HDAC9: variants seen among roughly 807,000 people sequenced by gnomAD.
HDAC9 encodes the protein histone deacetylase 9.
A neutral mutation model predicts 139.4 loss-of-function variants in HDAC9; 41 were observed. The observed-to-expected ratio is 0.29, with a 90% CI of 0.23 to 0.38. HDAC9 has a LOEUF of 0.38. Among genes scored for constraint, HDAC9 ranks in the 10% least tolerant of loss-of-function variants. The pLI is 1.00. For missense variants in HDAC9, 1,147 were observed against 1,297.0 expected, an observed-to-expected ratio of 0.88 and a Z score of 1.78; for synonymous variants, 517 against 476.2, an observed-to-expected ratio of 1.09 and a Z score of -1.12.
chr7:18,933,818 C>A (rs1781431028), intron 22 of HDAC9, among the ~76,000 whole-genome samples: 1 of 151,772 alleles, frequency 6.6e-6, no homozygotes, highest in Non-Finnish European at 1.5e-5. Flanking sequence ...TCATAATGAC[C>A]AATAAGTCAC....
chr7:18,131,430 T>A (rs1784997161), intron 1 of HDAC9, among the ~76,000 whole-genome samples: 1 of 152,208 alleles, frequency 6.6e-6, no homozygotes, highest in African/African-American at 2.4e-5. Flanking sequence ...TAATCAGAAT[T>A]CCTTGGTTTC....
intron 21 of HDAC9, among the ~76,000 whole-genome samples, chr7:18,867,653 T>TA (rs67576385): frequency 8.2e-4 from 125 of 152,264 alleles, no homozygotes; most frequent in African/African-American, 2.8e-3. Flanking sequence ...GTGTATTTTT[T>TA]AAAAAAATAC....
Position 18,847,694 on chromosome 7 carries a change from C to T in HDAC9, c.2684+11697C>T, listed in dbSNP as rs142181012. 2.9e-4 allele frequency among the ~76,000 whole-genome samples: 44 copies of T among 152,318 alleles called. 1 individual carries two copies. In the East Asian group the frequency reaches 6.0e-3, roughly 21 times the overall value. ...AGAAGCAAAAACGAGGAAGTCTCCC[C>T]CTGAGGGGTCAGCTGTGGTGTTACT... On this transcript the variant is annotated intron_variant, in intron 21 of 25. Transcript: ENST00000686413.
intron 2 of HDAC9, among the ~76,000 whole-genome samples, chr7:18,205,700 C>G (rs773319095): frequency 5.9e-5 from 9 of 151,976 alleles, no homozygotes; most frequent in Non-Finnish European, 1.0e-4. Context: ...GGGTTATTGT[C>G]TGTTTCATCT....
At chr7:18,652,750 A>G (rs1282874604) in intron 11 of HDAC9, among the ~76,000 whole-genome samples, 1 of 152,066 alleles carries the variant, frequency 6.6e-6, no homozygotes, top group East Asian at 1.9e-4. Flanking sequence ...CATTAAATCC[A>G]TAAGAGCAGG....
chr7:18,713,696 C>T (rs1254006855), intron 12 of HDAC9, among the ~76,000 whole-genome samples: 2 of 151,932 alleles, frequency 1.3e-5, no homozygotes, highest in Non-Finnish European at 2.9e-5. Context: ...TCAACATGTG[C>T]ATAATTCTGC....
intron 24 of HDAC9, among the ~76,000 whole-genome samples, chr7:18,962,124 G>T (rs1012357010): frequency 6.6e-6 from 1 of 152,020 alleles, no homozygotes; most frequent in Admixed American, 6.6e-5. Flanking sequence ...CTTCTAATCA[G>T]AAAAAAATGC....
chr7:18,298,729 G>A (rs1188370767), intron 1 of HDAC9, among the ~76,000 whole-genome samples: 1 of 152,108 alleles, frequency 6.6e-6, no homozygotes, highest in African/African-American at 2.4e-5. Flanking sequence ...ATGTGACAGT[G>A]TTGCTACATA....
chr7:18,240,467 A>G (rs1294306679), intron 2 of HDAC9, among the ~76,000 whole-genome samples: 1 of 152,174 alleles, frequency 6.6e-6, no homozygotes, highest in Admixed American at 6.5e-5. Context: ...TTTAATGTTG[A>G]AATATGAAGA....
chr7:18,929,390 G>C (rs1459270326), intron 22 of HDAC9, among the ~76,000 whole-genome samples: 1 of 151,720 alleles, frequency 6.6e-6, no homozygotes, highest in Non-Finnish European at 1.5e-5. Flanking sequence ...ATTCTGAAAA[G>C]GCCCTTCTAA....
chr7:18,208,576 A>G (rs1437713750), intron 2 of HDAC9, among the ~76,000 whole-genome samples: 1 of 152,068 alleles, frequency 6.6e-6, no homozygotes, highest in East Asian at 1.9e-4. Context: ...GGCTTTCGCC[A>G]TGTTGGCCAG....
chr7:18,407,013 A>G (rs968653880), intron 1 of HDAC9, among the ~76,000 whole-genome samples: 6 of 152,214 alleles, frequency 3.9e-5, no homozygotes, highest in African/African-American at 9.6e-5. Flanking sequence ...CAATATGTCT[A>G]TAAGCAATTA....
intron 12 of HDAC9, among the ~76,000 whole-genome samples, chr7:18,720,455 A>G (rs1171879495): frequency 1.3e-5 from 2 of 151,478 alleles, no homozygotes; most frequent in African/African-American, 4.8e-5. Flanking sequence ...CGGCTTTCTT[A>G]CTGAGTGAAT....
At chr7:18,282,921 A>G (rs1797191801) in intron 2 of HDAC9, among the ~76,000 whole-genome samples, 1 of 151,956 alleles carries the variant, frequency 6.6e-6, no homozygotes, top group South Asian at 2.1e-4. Context: ...TTGAAAGGTA[A>G]TAAATAGGGT....
At chr7:18,248,861 G>T (rs1334353990) in intron 2 of HDAC9, among the ~76,000 whole-genome samples, 1 of 152,180 alleles carries the variant, frequency 6.6e-6, no homozygotes, top group Non-Finnish European at 1.5e-5. Flanking sequence ...CAACATTTAT[G>T]CAAAATCATT....
At chr7:18,143,471 A>C (rs1005166368) in intron 1 of HDAC9, among the ~76,000 whole-genome samples, 1 of 152,176 alleles carries the variant, frequency 6.6e-6, no homozygotes, top group African/African-American at 2.4e-5. Context: ...AAGTATGTAA[A>C]TAAGATGAAT....
chr7:18,667,773 G>C, intron 12 of HDAC9: 1 of 984,930 alleles, frequency 1.0e-6, no homozygotes, highest in Non-Finnish European at 1.2e-6. Context: ...TATTGTCTAA[G>C]AAAATAACAC....
intron 1 of HDAC9, among the ~76,000 whole-genome samples, chr7:18,100,279 T>G (rs1008006644): frequency 4.6e-5 from 7 of 152,192 alleles, no homozygotes; most frequent in African/African-American, 1.7e-4. Context: ...TATCTTGGTA[T>G]AGCTTTCTTC....
At chr7:18,952,935 C>T (rs1336827572) in intron 23 of HDAC9, among the ~76,000 whole-genome samples, 3 of 151,640 alleles carry the variant, frequency 2.0e-5, no homozygotes, top group Non-Finnish European at 2.9e-5. Context: ...TGAATTTACC[C>T]GTGTATAAAT....
Sources: allele counts gnomAD v4.1 joint callset (sites outside exome capture counted in the v4.1 genomes callset), GRCh38; gene constraint gnomAD v4.1.1; transcripts MANE v1.5; gene names NCBI Gene and HGNC (gene_info 2026-07-23, HGNC 2026-07-21).